Variants in ARL13B observed in about 807,000 individuals in gnomAD.
ARL13B encodes the protein ARF like GTPase 13B.
Under a neutral mutation model 56.1 loss-of-function variants are expected in ARL13B, and 36 were observed. That is an observed-to-expected ratio of 0.64 (90% CI 0.49 to 0.85). ARL13B has a LOEUF of 0.85. Among genes scored for constraint, ARL13B ranks in the 40% least tolerant of loss-of-function variants. The pLI, the probability that ARL13B is intolerant of heterozygous loss-of-function variation, is 0.00. For missense variants in ARL13B, 519 were observed against 507.1 expected, an observed-to-expected ratio of 1.02 and a Z score of -0.23; for synonymous variants, 178 against 171.1, an observed-to-expected ratio of 1.04 and a Z score of -0.32.
chr3:94,047,780 T>C (rs1323346181), intron 7 of ARL13B: 2 of 152,152 alleles, frequency 1.3e-5, no homozygotes, highest in African/African-American at 4.8e-5. Flanking sequence ...TTCTTCCACA[T>C]CTTGTGGATC....
At chr3:93,996,714 A>G (rs775453903) in intron 2 of ARL13B, 1 of 366,604 alleles carries the variant, frequency 2.7e-6, no homozygotes. Flanking sequence ...TTGTGCTACA[A>G]TATAGCAGTA....
intron 3 of ARL13B, among the ~76,000 whole-genome samples, chr3:94,021,954 A>G (rs1039858807): frequency 3.3e-5 from 5 of 152,026 alleles, no homozygotes; most frequent in South Asian, 2.1e-4. Flanking sequence ...AAGGCTTCTA[A>G]AGATATATAT....
intron 2 of ARL13B, among the ~76,000 whole-genome samples, chr3:94,002,281 A>G (rs1222531132): frequency 5.3e-5 from 8 of 152,104 alleles, no homozygotes; most frequent in African/African-American, 1.9e-4. Context: ...TACCCAGACT[A>G]GTCTCAAATT....
chr3:93,999,606 T>A (rs2107407624), intron 2 of ARL13B, among the ~76,000 whole-genome samples: 1 of 152,328 alleles, frequency 6.6e-6, no homozygotes, highest in South Asian at 2.1e-4. Flanking sequence ...AATGTTCGAT[T>A]AAATTATTAT....
intron 7 of ARL13B, among the ~76,000 whole-genome samples, chr3:94,043,544 T>TC (rs1286219210): frequency 3.6e-3 from 1 of 280 alleles, no homozygotes; most frequent in African/African-American, 0.016. Context: ...GCCCTCCCCC[T>TC]CCTCCCCCTC....
At position 94,036,767 on chromosome 3, in the gene ARL13B, A is replaced by G. The variant is rs750183691; in HGVS notation, c.689+13A>G. On this transcript the variant is annotated intron_variant, in intron 5 of 9. Transcript: ENST00000394222. ...TACGAGAAGAAAGGTAAGTAGATTA[A>G]TTTTGTACCACAGTGCATTTGAAGG... The G allele has an allele frequency of 3.7e-6, 6 of 1,601,466 alleles. No individual in the cohort carries two copies. The South Asian group carries it at 6.7e-5, about 18-fold the overall frequency.
chr3:94,027,455 G>A (rs1053008381), intron 3 of ARL13B, among the ~76,000 whole-genome samples: 9 of 151,874 alleles, frequency 5.9e-5, no homozygotes, highest in African/African-American at 1.9e-4. Flanking sequence ...GTTTAAATAT[G>A]ATGTATAATT....
At chr3:94,033,675 T>C (rs1189108770) in intron 3 of ARL13B, among the ~76,000 whole-genome samples, 10 of 152,204 alleles carry the variant, frequency 6.6e-5, no homozygotes, top group Admixed American at 5.9e-4. Context: ...AATGAGGAAC[T>C]TTATTTTGGA....
intron 3 of ARL13B, among the ~76,000 whole-genome samples, chr3:94,021,484 C>CGCACCCGGCTGCTTTTTTGGTTTT (rs2076448398): frequency 2.0e-5 from 3 of 152,074 alleles, no homozygotes; most frequent in African/African-American, 7.2e-5. Context: ...TACAAACCAC[C>CGCACCCGGCTGCTTTTTTGGTTTT]ATGCCTGGCC....
chr3:94,050,838 C>T lies in ARL13B; in HGVS notation c.1156C>T (p.Pro386Ser), dbSNP rs762309445. 5 of 1,612,292 alleles carry T rather than the reference C, an allele frequency of 3.1e-6. No homozygotes were observed. In the Admixed American group the frequency reaches 5.0e-5, roughly 16 times the overall value. Residue 386 changes from proline to serine, a missense_variant, in exon 9 of 10, where the codon CCT (proline) becomes TCT (serine). By Grantham distance (74) the Pro-to-Ser change is moderately conservative. Transcript: ENST00000394222. Reference sequence around the variant, plus strand: ...TTTTTCTTTAGTTGGCTGGGGAACCCCTAAAGTCACTAGACTTCCAAAACT... The same window carrying T: ...TTTTTCTTTAGTTGGCTGGGGAACCTCTAAAGTCACTAGACTTCCAAAACT... ...PPPPPVGWGT[P>S]KVTRLPKLEP...
intron 1 of ARL13B, among the ~76,000 whole-genome samples, chr3:93,989,225 G>T (rs555120649): frequency 1.3e-5 from 2 of 152,218 alleles, no homozygotes; most frequent in East Asian, 3.9e-4. Context: ...CTTCATTATA[G>T]TACTTTCTCA....
intron 6 of ARL13B, among the ~76,000 whole-genome samples, chr3:94,041,631 T>C (rs937862063): frequency 1.3e-5 from 2 of 152,122 alleles, no homozygotes; most frequent in African/African-American, 4.8e-5. Context: ...TAGTGAGAAA[T>C]AGAACACATA....
intron 2 of ARL13B, among the ~76,000 whole-genome samples, chr3:93,997,026 C>T (rs1284477597): frequency 6.6e-6 from 1 of 151,930 alleles, no homozygotes; most frequent in Non-Finnish European, 1.5e-5. Context: ...TTATGTGCTC[C>T]TTATGAGAAT....
intron 2 of ARL13B, among the ~76,000 whole-genome samples, chr3:93,999,328 A>G (rs1289493020): frequency 1.3e-5 from 2 of 151,952 alleles, no homozygotes; most frequent in East Asian, 1.9e-4. Context: ...TGTAATCTCA[A>G]ACTCCTGGGC....
intron 9 of ARL13B, among the ~76,000 whole-genome samples, chr3:94,052,727 A>G (rs1017553134): frequency 6.6e-6 from 1 of 152,166 alleles, no homozygotes; most frequent in Non-Finnish European, 1.5e-5. Context: ...TATTTTTAAA[A>G]GGGAAAATGC....
intron 7 of ARL13B, chr3:94,048,208 A>T (rs2077012516): frequency 6.6e-6 from 1 of 152,276 alleles, no homozygotes; most frequent in African/African-American, 2.4e-5. Context: ...TTAGCAGCAT[A>T]TAGTGGCACA....
intron 5 of ARL13B, among the ~76,000 whole-genome samples, chr3:94,038,768 G>T (rs1024283610): frequency 5.3e-5 from 8 of 151,780 alleles, no homozygotes; most frequent in Non-Finnish European, 7.4e-5. Context: ...TGATCCACCC[G>T]CCTCGGCCTC....
chr3:93,986,739 T>C (rs1414143249), intron 1 of ARL13B, among the ~76,000 whole-genome samples: 2 of 152,090 alleles, frequency 1.3e-5, no homozygotes, highest in African/African-American at 2.4e-5. Flanking sequence ...GTGGCCGTGG[T>C]GGATGGATCA....
chr3:94,003,438 G>T (rs866625850), intron 2 of ARL13B, among the ~76,000 whole-genome samples: 1 of 152,098 alleles, frequency 6.6e-6, no homozygotes, highest in African/African-American at 2.4e-5. Flanking sequence ...TATATACTAG[G>T]TGTGGGTGTT....
Sources: allele counts gnomAD v4.1 joint callset (sites outside exome capture counted in the v4.1 genomes callset), GRCh38; gene constraint gnomAD v4.1.1; transcripts MANE v1.5; gene names NCBI Gene and HGNC (gene_info 2026-07-23, HGNC 2026-07-21).